The following SAMMSON variants were observed in gnomAD, a reference collection of about 807,000 sequenced individuals.
SAMMSON encodes survival associated mitochondrial melanoma specific oncogenic non-coding RNA.
chr3:70,075,882 GTT>G (rs11456171), intron 4 of SAMMSON, among the ~76,000 whole-genome samples: 49 of 140,336 alleles, frequency 3.5e-4, no homozygotes, highest in African/African-American at 1.3e-3. Flanking sequence ...TTCGATACCT[GTT>G]TTTTTTTTTT....
chr3:70,223,809 G>T (rs989256335), intron 4 of SAMMSON, among the ~76,000 whole-genome samples: 1 of 152,040 alleles, frequency 6.6e-6, no homozygotes, highest in African/African-American at 2.4e-5. Context: ...TCTTTTAATG[G>T]TTTTTCTCAG....
chr3:70,139,454 C>G (rs1037029704), intron 4 of SAMMSON, among the ~76,000 whole-genome samples: 1 of 152,304 alleles, frequency 6.6e-6, no homozygotes, highest in East Asian at 1.9e-4. Context: ...GGTAGCCCTA[C>G]CCCATGGCCT....
chr3:70,108,621 T>C (rs1282587885), intron 4 of SAMMSON, among the ~76,000 whole-genome samples: 3 of 151,502 alleles, frequency 2.0e-5, no homozygotes, highest in African/African-American at 7.3e-5. Context: ...GGGATATAAC[T>C]GGAGTTAGAT....
chr3:70,007,553 C>T (rs1204945747), intron 1 of SAMMSON, among the ~76,000 whole-genome samples: 1 of 151,688 alleles, frequency 6.6e-6, no homozygotes, highest in Non-Finnish European at 1.5e-5. Flanking sequence ...AGCCCTTTGT[C>T]AGATGAGTAG....
intron 6 of SAMMSON, among the ~76,000 whole-genome samples, chr3:70,270,877 C>T (rs1034479963): frequency 2.6e-5 from 4 of 152,012 alleles, no homozygotes; most frequent in African/African-American, 4.8e-5. Flanking sequence ...CACACCAGGG[C>T]TTATCAGGGG....
At chr3:70,096,823 G>A (rs935464312) in intron 4 of SAMMSON, among the ~76,000 whole-genome samples, 4 of 152,130 alleles carry the variant, frequency 2.6e-5, no homozygotes, top group Non-Finnish European at 4.4e-5. Flanking sequence ...CTAGAATAGC[G>A]TTGATCAAAC....
intron 4 of SAMMSON, among the ~76,000 whole-genome samples, chr3:70,152,378 T>G (rs1325402424): frequency 2.0e-5 from 3 of 152,060 alleles, no homozygotes. Context: ...AGTAAACCAA[T>G]GTACAAGTTG....
chr3:70,384,372 G>A (rs1405183693), intron 9 of SAMMSON, among the ~76,000 whole-genome samples: 2 of 151,964 alleles, frequency 1.3e-5, no homozygotes, highest in Non-Finnish European at 2.9e-5. Flanking sequence ...ATGCAGTCCT[G>A]CACATTTATT....
At chr3:70,368,434 G>A (rs1702938048) in intron 9 of SAMMSON, among the ~76,000 whole-genome samples, 1 of 151,546 alleles carries the variant, frequency 6.6e-6, no homozygotes, top group African/African-American at 2.4e-5. Flanking sequence ...ACTTGCCTGA[G>A]TGAAAAAAAT....
At chr3:70,114,406 A>G (rs2067401885) in intron 4 of SAMMSON, among the ~76,000 whole-genome samples, 1 of 152,364 alleles carries the variant, frequency 6.6e-6, no homozygotes, top group South Asian at 2.1e-4. Context: ...TTGTCGACAG[A>G]GTAAAATATA....
Position 70,165,000 on chromosome 3 carries a change from T to G in SAMMSON, n.508-84107T>G, listed in dbSNP as rs147406408. ...CAGTTTCAAGATATGTTTCAAGATA[T>G]GTACAGATAGATTTTTAAGACATAT... is the stretch of plus-strand genomic sequence containing the variant. On this transcript the variant is annotated intron_variant and non_coding_transcript_variant, in intron 4 of 9. Transcript: ENST00000642114. 5.4e-3 allele frequency among the ~76,000 whole-genome samples: 818 copies of G among 152,134 alleles called. 9 individuals are homozygous for G. The highest frequency in any genetic ancestry group is 0.019 in the African/African-American group (779 of 41,532).
At chr3:70,010,506 T>C (rs1037699520) in intron 1 of SAMMSON, among the ~76,000 whole-genome samples, 5 of 152,126 alleles carry the variant, frequency 3.3e-5, no homozygotes, top group African/African-American at 9.7e-5. Context: ...ACCTTCGCCA[T>C]AGCACCAAGG....
At chr3:70,367,959 G>A (rs1434805137) in intron 9 of SAMMSON, among the ~76,000 whole-genome samples, 1 of 149,630 alleles carries the variant, frequency 6.7e-6, no homozygotes, top group African/African-American at 2.5e-5. Context: ...TTTTAAAATT[G>A]GGTTTTTTTT....
intron 7 of SAMMSON, among the ~76,000 whole-genome samples, chr3:70,337,151 A>C (rs907577879): frequency 1.5e-5 from 1 of 65,266 alleles, no homozygotes; most frequent in African/African-American, 4.8e-5. Flanking sequence ...ATTATTATTA[A>C]TAATAATATC....
intron 4 of SAMMSON, among the ~76,000 whole-genome samples, chr3:70,209,401 T>A (rs1354185512): frequency 6.6e-6 from 1 of 151,846 alleles, no homozygotes; most frequent in Non-Finnish European, 1.5e-5. Context: ...ACACACAGAG[T>A]GGCGTGTATC....
At chr3:70,114,300 G>A (rs993908443) in intron 4 of SAMMSON, among the ~76,000 whole-genome samples, 2 of 152,120 alleles carry the variant, frequency 1.3e-5, no homozygotes, top group South Asian at 2.1e-4. Flanking sequence ...AGATTACCCC[G>A]TGTGTACAAG....
At chr3:70,013,630 A>G (rs1401664972) in exon 3 of SAMMSON, 1 of 152,196 alleles carries the variant, frequency 6.6e-6, no homozygotes. Flanking sequence ...AAGACACTGT[A>G]TAAACATGGC....
At chr3:70,002,103 A>G (rs2066908237) in intron 1 of SAMMSON, among the ~76,000 whole-genome samples, 1 of 151,986 alleles carries the variant, frequency 6.6e-6, no homozygotes, top group Admixed American at 6.6e-5. Context: ...TTATTTAACC[A>G]CTCCCTTGTA....
At chr3:70,310,776 T>C (rs1383835954) in intron 7 of SAMMSON, among the ~76,000 whole-genome samples, 1 of 152,120 alleles carries the variant, frequency 6.6e-6, no homozygotes, top group Non-Finnish European at 1.5e-5. Context: ...AGGAAAACAT[T>C]TTTGAGCACA....
Sources: gnomAD v4.1 joint callset for allele counts (sites outside exome capture counted in the v4.1 genomes callset) on GRCh38, gnomAD v4.1.1 for gene constraint, MANE v1.5 for transcripts, NCBI Gene and HGNC (gene_info 2026-07-23, HGNC 2026-07-21) for gene names.